The following TGS1 variants were observed in gnomAD, a reference collection of about 807,000 sequenced individuals.
TGS1 encodes the protein trimethylguanosine synthase 1, also known as trimethylguanosine synthase.
A neutral mutation model predicts 92.2 loss-of-function variants in TGS1; 69 were observed. That is an observed-to-expected ratio of 0.75 (90% confidence interval 0.62 to 0.91). The LOEUF is 0.91. TGS1 is among the 40% of genes least tolerant of loss of function. The pLI is 0.00. For synonymous variants in TGS1, 345 were observed against 338.1 expected (o/e 1.02, Z -0.22); for missense variants, 1,062 against 1,001.2 (o/e 1.06, Z -0.82).
At chr8:55,792,562 C>T (rs969392862) in intron 5 of TGS1, 136 bp from the exon 6 acceptor site, 6 of 585,872 alleles carry the variant, frequency 1.0e-5, no homozygotes, top group African/African-American at 1.9e-5. Flanking sequence ...TTCCTGGTTT[C>T]CTGGATTTGT....
At chr8:55,787,238 G>C (rs1811746520) in intron 4 of TGS1, among the ~76,000 whole-genome samples, 178 bp downstream of exon 4, 1 of 152,012 alleles carries the variant, frequency 6.6e-6, no homozygotes, top group South Asian at 2.1e-4. Context: ...CTATTAATAA[G>C]AATATTTGCA....
chr8:55,824,044 A>G (rs1410546415), intron 12 of TGS1, among the ~76,000 whole-genome samples: 1 of 152,076 alleles, frequency 6.6e-6, no homozygotes, highest in Admixed American at 6.6e-5. Context: ...TGAACCCGGG[A>G]GGCGGAGGTT....
chr8:55,824,911 A>T lies in TGS1; in HGVS notation c.*208A>T. Reference sequence around the variant, plus strand: ...GAGGAATTATACAAAATTAATATATATGAGTCCTTTGTAATTTATTTTTTT... The same window carrying T: ...GAGGAATTATACAAAATTAATATATTTGAGTCCTTTGTAATTTATTTTTTT... On this transcript the variant is annotated 3_prime_UTR_variant, in exon 13 of 13. Coordinates refer to ENST00000260129, the MANE Select transcript of TGS1 (RefSeq NM_024831.8). The T allele has an allele frequency of 1.9e-6, 1 of 526,560 alleles. No individual in the cohort carries two copies. The highest frequency in any genetic ancestry group is 2.7e-5 in the South Asian group (1 of 37,720). 32.6% of individuals were successfully genotyped at this position (526,560 alleles called of 1,614,324 possible).
intron 1 of TGS1, among the ~76,000 whole-genome samples, chr8:55,776,164 G>T (rs1458215071): frequency 6.6e-6 from 1 of 152,090 alleles, no homozygotes; most frequent in Non-Finnish European, 1.5e-5. Flanking sequence ...CAACTCTAAG[G>T]GGGTCTGCAT....
In TGS1 at chr8:55,773,564, G is replaced by C; in HGVS notation, c.-55G>C. On this transcript the variant is annotated 5_prime_UTR_variant, in exon 1 of 13. Coordinates refer to ENST00000260129, the MANE Select transcript of TGS1 (RefSeq NM_024831.8). ...TTAAGTCTCCAGTAACCGAGCGGAGGCCCGGCAGGCGCGACCCGGGCTGCG... is the reference window on the plus strand; with the variant it reads ...TTAAGTCTCCAGTAACCGAGCGGAGCCCCGGCAGGCGCGACCCGGGCTGCG... 1 of 1,415,652 alleles carries C rather than the reference G, an allele frequency of 7.1e-7. No individual in the cohort carries two copies. The highest frequency in any genetic ancestry group is 9.8e-7 in the Non-Finnish European group (1 of 1,018,130). 87.7% of individuals were successfully genotyped at this position (1,415,652 alleles called of 1,614,324 possible). A position where few individuals can be genotyped will look rare whatever the true frequency, so the allele number is the denominator to read the frequency against.
intron 10 of TGS1, among the ~76,000 whole-genome samples, chr8:55,807,640 A>G (rs569269058): frequency 6.6e-6 from 1 of 151,718 alleles, no homozygotes; most frequent in Admixed American, 6.6e-5. Context: ...TGATCCTCCC[A>G]TCTCAGCCTC....
chr8:55,823,881 G>T (rs1052089296), intron 12 of TGS1, among the ~76,000 whole-genome samples: 1 of 152,142 alleles, frequency 6.6e-6, no homozygotes, highest in Non-Finnish European at 1.5e-5. Context: ...TTGGGAGGCC[G>T]GGCCGAGCGG....
At chr8:55,811,603 T>C (rs565067460) in intron 11 of TGS1, among the ~76,000 whole-genome samples, 114 of 149,284 alleles carry the variant, frequency 7.6e-4, no homozygotes, top group Admixed American at 2.1e-3. Flanking sequence ...CTACTAAAAA[T>C]ACAAAAAATT....
chr8:55,776,257 G>T (rs985968695), intron 1 of TGS1, among the ~76,000 whole-genome samples: 2 of 151,370 alleles, frequency 1.3e-5, no homozygotes, highest in Non-Finnish European at 2.9e-5. Flanking sequence ...AACCGAACTG[G>T]ACAGGGGTCT....
intron 4 of TGS1, among the ~76,000 whole-genome samples, 168 bp downstream of exon 4, chr8:55,787,228 C>A (rs762309774): frequency 3.3e-5 from 5 of 151,940 alleles, no homozygotes; most frequent in African/African-American, 7.3e-5. Flanking sequence ...TTATCCTTTT[C>A]TATTAATAAG....
intron 10 of TGS1, 26 bp downstream of exon 10, chr8:55,805,062 C>A: frequency 6.2e-7 from 1 of 1,608,086 alleles, no homozygotes; most frequent in East Asian, 2.2e-5. Context: ...TGGAAGTGAA[C>A]TATTTTATGT....
intron 12 of TGS1, among the ~76,000 whole-genome samples, chr8:55,822,450 G>C (rs1322595785): frequency 6.6e-6 from 1 of 151,906 alleles, no homozygotes; most frequent in African/African-American, 2.4e-5. Context: ...GGGCACAGCA[G>C]AAATGCTACA....
chr8:55,789,323 G>A lies in TGS1; in HGVS notation c.1163-859G>A, dbSNP rs117988893. On this transcript the variant is annotated intron_variant, in intron 4 of 12. Coordinates refer to ENST00000260129, the MANE Select transcript of TGS1 (RefSeq NM_024831.8). ...AGTTAAAGAACTCTTCTTAAAGATA[G>A]TATTGTCTTTGTTACTCTCATTATT... 1.7e-4 allele frequency among the ~76,000 whole-genome samples: 26 copies of A among 152,244 alleles called. No homozygotes were observed. In the East Asian group the frequency reaches 5.0e-3, roughly 29 times the overall value.
At position 55,778,136 on chromosome 8, in the gene TGS1, G is replaced by A. The variant is rs182155323; in HGVS notation, c.101+4417G>A. ...AAAATACAAAAAATTAGCCAGGCATGGTGGGGCACTCCTGTAGTCCCAGCT... is the reference window on the plus strand; with the variant it reads ...AAAATACAAAAAATTAGCCAGGCATAGTGGGGCACTCCTGTAGTCCCAGCT... On this transcript the variant is annotated intron_variant, in intron 1 of 12. Transcript: ENST00000260129. Among the ~76,000 whole-genome samples, 227 of 152,202 alleles carry A rather than the reference G, an allele frequency of 1.5e-3. 3 individuals carry two copies. The highest frequency in any genetic ancestry group is 4.0e-4 in the Non-Finnish European group (27 of 68,010).
Position 55,826,405 on chromosome 8 carries a change from T to A in TGS1, c.*1702T>A, listed in dbSNP as rs546977681. 2.6e-5 allele frequency among the ~76,000 whole-genome samples: 4 copies of A among 152,292 alleles called. No homozygotes were observed. The East Asian group carries it at 5.8e-4, about 22-fold the overall frequency. The stretch of plus-strand genomic sequence containing the variant: ...TTGCTGCCCACTAATCACACAGGGA[T>A]AAAACTAATAGACTGTTAAGATTGT... On this transcript the variant is annotated 3_prime_UTR_variant, in exon 13 of 13. Coordinates refer to ENST00000260129, the MANE Select transcript of TGS1 (RefSeq NM_024831.8).
At chr8:55,809,308 G>A (rs1438147668) in intron 10 of TGS1, among the ~76,000 whole-genome samples, 2 of 152,288 alleles carry the variant, frequency 1.3e-5, no homozygotes, top group East Asian at 3.9e-4. Flanking sequence ...CAGTAGTTTA[G>A]CAACAGTACT....
chr8:55,818,650 T>G (rs1017798725), intron 12 of TGS1, among the ~76,000 whole-genome samples: 1 of 152,278 alleles, frequency 6.6e-6, no homozygotes, highest in East Asian at 1.9e-4. Context: ...GTGGAACTGA[T>G]TGGCCTCATA....
intron 12 of TGS1, among the ~76,000 whole-genome samples, chr8:55,820,576 T>C (rs534240527): frequency 2.0e-5 from 3 of 152,094 alleles, no homozygotes; most frequent in African/African-American, 7.2e-5. Context: ...CAGTTTTGAA[T>C]GTTTACCTTT....
intron 12 of TGS1, among the ~76,000 whole-genome samples, chr8:55,821,508 A>G (rs1352931264): frequency 6.6e-6 from 1 of 152,194 alleles, no homozygotes. Flanking sequence ...GAAAGGTATT[A>G]AGAAAAACAA....
Sources: gnomAD v4.1 joint callset for allele counts (sites outside exome capture counted in the v4.1 genomes callset) on GRCh38, gnomAD v4.1.1 for gene constraint, MANE v1.5 for transcripts, NCBI Gene and HGNC (gene_info 2026-07-23, HGNC 2026-07-21) for gene names.